FLI1: variants seen among roughly 807,000 people sequenced by gnomAD.
FLI1 encodes the protein Fli-1 proto-oncogene, ETS transcription factor.
In FLI1, 13 loss-of-function variants were observed where a neutral mutation model predicts 53.1. The observed-to-expected ratio is 0.24, with a 90% CI of 0.16 to 0.39. FLI1 has a LOEUF of 0.39. Among genes scored for constraint, FLI1 ranks in the 10% least tolerant of loss-of-function variants. The pLI, the probability that FLI1 is intolerant of heterozygous loss-of-function variation, is 1.00. For missense variants in FLI1, 424 were observed against 600.5 expected (o/e 0.71, Z 3.07); for synonymous variants, 244 against 236.7 (o/e 1.03, Z -0.28).
In FLI1 at chr11:128,779,255, G is replaced by C. The variant is rs542781570; in HGVS notation, c.590-2703G>C. 4.6e-5 allele frequency among the ~76,000 whole-genome samples: 7 copies of C among 152,248 alleles called. No individual in the cohort carries two copies. In the South Asian group the frequency reaches 1.5e-3, roughly 32 times the overall value. On this transcript the variant is annotated intron_variant, in intron 4 of 8. Coordinates refer to ENST00000527786, the MANE Select transcript of FLI1 (RefSeq NM_002017.5). ...TAATGACTCAGGCAGTTTGCTCCTCGGAGACCATCATTTTTCTTTATTTGC... is the reference window on the plus strand; with the variant it reads ...TAATGACTCAGGCAGTTTGCTCCTCCGAGACCATCATTTTTCTTTATTTGC...
chr11:128,765,103 A>G (rs1182372170), intron 2 of FLI1, among the ~76,000 whole-genome samples: 1 of 152,186 alleles, frequency 6.6e-6, no homozygotes, highest in Non-Finnish European at 1.5e-5. Flanking sequence ...TCTATGGGTC[A>G]GTGAATGAGG....
At chr11:128,694,377 T>C (rs1057132459) in intron 1 of FLI1, 101 bp downstream of exon 1, 4 of 955,856 alleles carry the variant, frequency 4.2e-6, no homozygotes, top group Non-Finnish European at 5.6e-6. Context: ...ACGTGGCCTC[T>C]CTCCCTTCCC....
Position 128,743,728 on chromosome 11 carries a change from C to A in FLI1, c.19-14387C>A, listed in dbSNP as rs570754617. On this transcript the variant is annotated intron_variant, in intron 1 of 8. Coordinates refer to ENST00000527786, the MANE Select transcript of FLI1 (RefSeq NM_002017.5). ...ATGGAGTAACTAAACCAGTCCCAAG[C>A]CCCCAGGAACTGTCCGTGGGTTTTA... is the stretch of plus-strand genomic sequence containing the variant. 7.8e-5 allele frequency among the ~76,000 whole-genome samples: 8 copies of A among 102,738 alleles called. No homozygotes were observed. The South Asian group carries it at 1.7e-3, about 22-fold the overall frequency. The allele number at this position is 102,738 out of a possible 152,430, so 67.4% of individuals were successfully genotyped here.
At chr11:128,747,256 C>T (rs770608222) in intron 1 of FLI1, among the ~76,000 whole-genome samples, 8 of 152,234 alleles carry the variant, frequency 5.3e-5, no homozygotes, top group Non-Finnish European at 1.2e-4. Context: ...CGAATCTCAG[C>T]GCAGCAGCAC....
intron 5 of FLI1, among the ~76,000 whole-genome samples, chr11:128,790,060 G>A (rs1028618722): frequency 8.2e-6 from 1 of 121,320 alleles, no homozygotes; most frequent in Non-Finnish European, 1.8e-5. Context: ...GTGTGTGTGT[G>A]CATGCATGCG....
intron 1 of FLI1, among the ~76,000 whole-genome samples, chr11:128,715,868 C>T (rs762931730): frequency 6.6e-6 from 1 of 152,184 alleles, no homozygotes; most frequent in East Asian, 1.9e-4. Flanking sequence ...ACAAGTGGAA[C>T]ATTTCCAGGA....
At chr11:128,713,747 A>G (rs1221131509) in intron 1 of FLI1, among the ~76,000 whole-genome samples, 1 of 152,198 alleles carries the variant, frequency 6.6e-6, no homozygotes, top group Non-Finnish European at 1.5e-5. Flanking sequence ...GGCTTCCTTA[A>G]GGAAGTGACA....
At chr11:128,721,180 C>T (rs1414166350) in intron 1 of FLI1, among the ~76,000 whole-genome samples, 2 of 152,216 alleles carry the variant, frequency 1.3e-5, no homozygotes, top group African/African-American at 4.8e-5. Flanking sequence ...GGATGCACCA[C>T]AGACAGCTGG....
At chr11:128,719,656 T>A (rs1939174531) in intron 1 of FLI1, among the ~76,000 whole-genome samples, 2 of 152,166 alleles carry the variant, frequency 1.3e-5, no homozygotes, top group African/African-American at 4.8e-5. Context: ...CGTCTACTCA[T>A]GTTTCTGGGG....
chr11:128,702,403 G>C (rs1356388354), intron 1 of FLI1, among the ~76,000 whole-genome samples: 2 of 152,176 alleles, frequency 1.3e-5, no homozygotes, highest in African/African-American at 4.8e-5. Context: ...CATAAGGATG[G>C]TTAGACACAT....
In FLI1 at chr11:128,786,467, A is replaced by T. The variant is rs532200657; in HGVS notation, c.655+4444A>T. On this transcript the variant is annotated intron_variant, in intron 5 of 8. Transcript: ENST00000527786. ...AGAAATTTCTTTCTGACGTGTCCTC[A>T]TTCAGTCCTCTAAAAAGTAGATATG... Among the ~76,000 whole-genome samples, 4 of 152,300 alleles carry T rather than the reference A, an allele frequency of 2.6e-5. No homozygotes were observed. The South Asian group carries it at 8.3e-4, about 32-fold the overall frequency.
At chr11:128,779,759 C>A (rs1274034796) in intron 4 of FLI1, among the ~76,000 whole-genome samples, 2 of 152,198 alleles carry the variant, frequency 1.3e-5, no homozygotes, top group Admixed American at 1.3e-4. Context: ...ATTTTAAAGT[C>A]TCCTTTGCTT....
intron 5 of FLI1, among the ~76,000 whole-genome samples, chr11:128,799,049 A>ATTTTTT (rs1184910280): frequency 1.0e-4 from 14 of 137,274 alleles, no homozygotes; most frequent in African/African-American, 2.4e-4. Flanking sequence ...TATTATTATT[A>ATTTTTT]TTATTTTGCT....
intron 5 of FLI1, among the ~76,000 whole-genome samples, chr11:128,784,811 C>A (rs922819402): frequency 2.0e-5 from 3 of 152,204 alleles, no homozygotes; most frequent in Non-Finnish European, 4.4e-5. Context: ...TTGAATAAGA[C>A]ACACACAGCC....
chr11:128,732,187 C>G (rs1308501193), intron 1 of FLI1, among the ~76,000 whole-genome samples: 1 of 152,166 alleles, frequency 6.6e-6, no homozygotes, highest in Non-Finnish European at 1.5e-5. Context: ...GAAAAAAATT[C>G]ACTGGTTCCC....
intron 1 of FLI1, among the ~76,000 whole-genome samples, chr11:128,739,530 C>T (rs886579629): frequency 1.1e-4 from 17 of 152,020 alleles, no homozygotes; most frequent in African/African-American, 3.9e-4. Context: ...ACCTTCCCTA[C>T]CTCCTTTGGG....
chr11:128,730,372 T>C lies in FLI1; in HGVS notation c.19-27743T>C, dbSNP rs148500407. 1.3e-4 allele frequency among the ~76,000 whole-genome samples: 20 copies of C among 152,350 alleles called. No homozygotes were observed. In the East Asian group the frequency reaches 3.9e-3, roughly 29 times the overall value. On this transcript the variant is annotated intron_variant, in intron 1 of 8. Coordinates refer to ENST00000527786, the MANE Select transcript of FLI1 (RefSeq NM_002017.5). ...GTCAGCCTCTCAGTAGCTGCGCTGC[T>C]CATCCTATTCATTTCTGTGCTTACT...
intron 1 of FLI1, among the ~76,000 whole-genome samples, chr11:128,749,292 C>A (rs1745726150): frequency 6.6e-6 from 1 of 152,206 alleles, no homozygotes; most frequent in Non-Finnish European, 1.5e-5. Context: ...TAAGAAATTA[C>A]CCCGAAACCT....
chr11:128,732,111 A>G (rs1763517474), intron 1 of FLI1, among the ~76,000 whole-genome samples: 1 of 152,240 alleles, frequency 6.6e-6, no homozygotes. Flanking sequence ...TTTACTAAAC[A>G]GTGAAATAAA....
Sources: gnomAD v4.1 joint callset for allele counts (sites outside exome capture counted in the v4.1 genomes callset) on GRCh38, gnomAD v4.1.1 for gene constraint, MANE v1.5 for transcripts, NCBI Gene and HGNC (gene_info 2026-07-23, HGNC 2026-07-21) for gene names.